ZDHHC13: variants seen among roughly 807,000 people sequenced by gnomAD.
The protein encoded by ZDHHC13 is palmitoyltransferase ZDHHC13.
In ZDHHC13, 85 loss-of-function variants were observed where a neutral mutation model predicts 86.0. That is an observed-to-expected ratio of 0.99 (90% confidence interval 0.83 to 1.18). The LOEUF (loss-of-function observed/expected upper bound fraction) is 1.18. Ranked by LOEUF, ZDHHC13 falls within the 50% of genes most tolerant of loss-of-function variation. The pLI, the probability that ZDHHC13 is intolerant of heterozygous loss-of-function variation, is 0.00. For synonymous variants in ZDHHC13, 263 were observed against 246.4 expected (o/e 1.07, Z -0.63); for missense variants, 711 against 730.2 (o/e 0.97, Z 0.30).
chr11:19,139,232 C>T (rs1169525780), intron 1 of ZDHHC13, among the ~76,000 whole-genome samples: 1 of 152,104 alleles, frequency 6.6e-6, no homozygotes, highest in African/African-American at 2.4e-5. Flanking sequence ...GATACAAAAT[C>T]AACGTACAAA....
At chr11:19,125,596 ATTC>A (rs1374911671) in intron 1 of ZDHHC13, among the ~76,000 whole-genome samples, 1 of 152,214 alleles carries the variant, frequency 6.6e-6, no homozygotes, top group East Asian at 1.9e-4. Flanking sequence ...AAGCAGTCTT[ATTC>A]TTAGAGAAAT....
intron 12 of ZDHHC13, 198 bp from the exon 13 acceptor site, chr11:19,164,854 C>T (rs1850013924): frequency 5.4e-6 from 3 of 559,540 alleles, no homozygotes; most frequent in Non-Finnish European, 9.6e-6. Flanking sequence ...AATTCAGATC[C>T]CACTTAGTGA....
chr11:19,147,763 G>C, intron 4 of ZDHHC13, 90 bp downstream of exon 4: 1 of 583,620 alleles, frequency 1.7e-6, no homozygotes, highest in Non-Finnish European at 2.6e-6. Flanking sequence ...TTGAAAGGCT[G>C]TCTTTTCTTC....
rs1332543262 is a variant in ZDHHC13 at position 19,136,391 on chromosome 11, C to T, written c.28-6587C>T. ...TTAGAGAAAAAAGAATAAAAAGAAA[C>T]GAGCAAAGCCTCCAAGAAATATGGG... On this transcript the variant is annotated intron_variant, in intron 1 of 16. Coordinates refer to ENST00000446113, the MANE Select transcript of ZDHHC13 (RefSeq NM_019028.3). 2.7e-3 allele frequency among the ~76,000 whole-genome samples: 406 copies of T among 151,858 alleles called. 3 individuals carry two copies. The highest frequency in any genetic ancestry group is 9.3e-3 in the African/African-American group (385 of 41,460).
Position 19,122,398 on chromosome 11 carries a change from T to C in ZDHHC13, c.27+5122T>C, listed in dbSNP as rs149199904. On this transcript the variant is annotated intron_variant, in intron 1 of 16. Transcript: ENST00000446113. ...GAGTTCCTGATCTGCTATTTTCTTA[T>C]TTGCTTGTGCTTATTATTATTATTA... is the stretch of plus-strand genomic sequence containing the variant. Among the ~76,000 whole-genome samples, 715 of 152,310 alleles carry C rather than the reference T, an allele frequency of 4.7e-3. 26 individuals are homozygous for C. The highest frequency in any genetic ancestry group is 0.044 in the Admixed American group (670 of 15,300).
intron 1 of ZDHHC13, among the ~76,000 whole-genome samples, chr11:19,142,625 G>C (rs1002371307): frequency 6.6e-6 from 1 of 152,152 alleles, no homozygotes; most frequent in Admixed American, 6.5e-5. Context: ...TGCCTTTTCA[G>C]ATGACCTTTG....
chr11:19,138,198 C>G (rs1202857544), intron 1 of ZDHHC13, among the ~76,000 whole-genome samples: 1 of 150,706 alleles, frequency 6.6e-6, no homozygotes, highest in Non-Finnish European at 1.5e-5. Flanking sequence ...AGAGAAGAAT[C>G]AAATAGATGC....
intron 1 of ZDHHC13, among the ~76,000 whole-genome samples, chr11:19,121,602 T>C (rs1356886782): frequency 6.6e-6 from 1 of 152,208 alleles, no homozygotes; most frequent in Non-Finnish European, 1.5e-5. Context: ...ATGAAAACTC[T>C]TGGGAGTTGG....
chr11:19,127,175 G>A (rs1366637582), intron 1 of ZDHHC13, among the ~76,000 whole-genome samples: 5 of 152,154 alleles, frequency 3.3e-5, no homozygotes, highest in Non-Finnish European at 7.4e-5. Context: ...GTATCTCATT[G>A]TGGTTTTGAG....
intron 16 of ZDHHC13, among the ~76,000 whole-genome samples, chr11:19,175,046 A>G (rs1850321297): frequency 6.6e-6 from 1 of 152,162 alleles, no homozygotes; most frequent in African/African-American, 2.4e-5. Context: ...AATATGCAAG[A>G]TGAATTAAAA....
At chr11:19,169,863 A>G (rs750244598) in intron 14 of ZDHHC13, 134 of 985,610 alleles carry the variant, frequency 1.4e-4, no homozygotes, top group Non-Finnish European at 1.6e-4. Flanking sequence ...GAGTCCCTTC[A>G]TCTGGCCTTT....
chr11:19,133,055 A>G (rs759427019), intron 1 of ZDHHC13, among the ~76,000 whole-genome samples: 6 of 152,212 alleles, frequency 3.9e-5, no homozygotes, highest in Non-Finnish European at 5.9e-5. Flanking sequence ...CAAATTGCTT[A>G]AACATGTACT....
chr11:19,135,314 T>C (rs908156431), intron 1 of ZDHHC13, among the ~76,000 whole-genome samples: 6 of 152,150 alleles, frequency 3.9e-5, no homozygotes, highest in Non-Finnish European at 8.8e-5. Flanking sequence ...GGATGACAGA[T>C]GGCACCTGGA....
At chr11:19,147,151 A>G (rs1256212136) in intron 3 of ZDHHC13, among the ~76,000 whole-genome samples, 1 of 152,194 alleles carries the variant, frequency 6.6e-6, no homozygotes, top group African/African-American at 2.4e-5. Context: ...TTTTAAATTA[A>G]TTCTTTACTA....
At chr11:19,149,396 G>C in intron 5 of ZDHHC13, 65 bp downstream of exon 5, 2 of 1,376,622 alleles carry the variant, frequency 1.5e-6, no homozygotes, top group Non-Finnish European at 1.9e-6. Flanking sequence ...GAAATTATTA[G>C]TAGTAGTCTC....
chr11:19,171,977 G>A (rs1311348137), intron 15 of ZDHHC13, among the ~76,000 whole-genome samples: 1 of 152,178 alleles, frequency 6.6e-6, no homozygotes, highest in Non-Finnish European at 1.5e-5. Context: ...TGACCAAGGA[G>A]TCAGTCCCAG....
At chr11:19,167,533 A>G (rs1850104885) in intron 14 of ZDHHC13, 1 of 152,180 alleles carries the variant, frequency 6.6e-6, no homozygotes, top group African/African-American at 2.4e-5. Flanking sequence ...TTTAGAGATT[A>G]TTAACTAGTA....
intron 10 of ZDHHC13, among the ~76,000 whole-genome samples, chr11:19,162,056 C>T (rs1849926501): frequency 6.6e-6 from 1 of 152,050 alleles, no homozygotes; most frequent in African/African-American, 2.4e-5. Flanking sequence ...TATATAAGGA[C>T]AGTGTTGCTG....
intron 1 of ZDHHC13, among the ~76,000 whole-genome samples, chr11:19,139,421 A>G (rs1849243123): frequency 6.8e-6 from 1 of 147,440 alleles, no homozygotes. Context: ...AAGAGGATAC[A>G]AACAAATGGA....
Sources: allele counts gnomAD v4.1 joint callset (sites outside exome capture counted in the v4.1 genomes callset), GRCh38; gene constraint gnomAD v4.1.1; transcripts MANE v1.5; gene names NCBI Gene and HGNC (gene_info 2026-07-23, HGNC 2026-07-21).